ELP3: variants seen among roughly 807,000 people sequenced by gnomAD.
ELP3 encodes elongator complex protein 3.
Under a neutral mutation model 74.9 loss-of-function variants are expected in ELP3, and 56 were observed. That is an observed-to-expected ratio of 0.75 (90% CI 0.60 to 0.93). The LOEUF is 0.93. Ranked by LOEUF, ELP3 falls within the 40% of genes least tolerant of loss-of-function variation. ELP3 has a pLI of 0.00. For synonymous variants in ELP3, 222 were observed against 239.8 expected (o/e 0.93, Z 0.68); for missense variants, 573 against 686.5 (o/e 0.83, Z 1.85).
At chr8:28,179,212 G>A (rs371788491) in intron 14 of ELP3, among the ~76,000 whole-genome samples, 1 of 152,172 alleles carries the variant, frequency 6.6e-6, no homozygotes, top group Non-Finnish European at 1.5e-5. Context: ...ATATAACAAG[G>A]GCAACTGTAT....
In ELP3 at chr8:28,129,748, T is replaced by C. The variant is rs992544412; in HGVS notation, c.779+85T>C. On this transcript the variant is annotated intron_variant, in intron 8 of 14. Transcript: ENST00000256398. ...ATTCATACCCAGCCTTTCTTCCTTC[T>C]GACCACTCTTAGGGAAAGAAGTATG... The C allele has an allele frequency of 8.1e-5, 123 of 1,512,350 alleles. No individual in the cohort carries two copies. The African/African-American group carries it at 1.5e-3, about 18-fold the overall frequency. 93.7% of individuals were successfully genotyped at this position (1,512,350 alleles called of 1,614,324 possible).
At chr8:28,171,752 C>T (rs1343184384) in intron 14 of ELP3, among the ~76,000 whole-genome samples, 1 of 151,912 alleles carries the variant, frequency 6.6e-6, no homozygotes, top group African/African-American at 2.4e-5. Context: ...AAAGATTTTC[C>T]TCTCTGTTTT....
intron 6 of ELP3, among the ~76,000 whole-genome samples, chr8:28,111,500 A>G (rs1193669907): frequency 6.6e-6 from 1 of 152,104 alleles, no homozygotes; most frequent in Non-Finnish European, 1.5e-5. Context: ...GGGTTTGTTT[A>G]TTGGCTTATT....
intron 10 of ELP3, 143 bp downstream of exon 10, chr8:28,138,034 AG>A (rs1563267790): frequency 3.8e-6 from 3 of 783,714 alleles, no homozygotes; most frequent in Non-Finnish European, 5.8e-6. Flanking sequence ...GTAAATAGGG[AG>A]GGATGGAAAT....
At chr8:28,184,472 A>G (rs1815153939) in intron 14 of ELP3, among the ~76,000 whole-genome samples, 2 of 152,304 alleles carry the variant, frequency 1.3e-5, no homozygotes, top group East Asian at 1.9e-4. Context: ...TAGAAGGCCC[A>G]AGGAGCCTGT....
chr8:28,150,888 T>TA (rs1159436321), intron 10 of ELP3, among the ~76,000 whole-genome samples: 1 of 152,182 alleles, frequency 6.6e-6, no homozygotes, highest in Non-Finnish European at 1.5e-5. Flanking sequence ...GTCTCACTCT[T>TA]ACCCAAGCCA....
chr8:28,189,513 C>T (rs1229230766), intron 14 of ELP3, 136 bp from the exon 15 acceptor site: 2 of 712,774 alleles, frequency 2.8e-6, no homozygotes, highest in African/African-American at 1.8e-5. Flanking sequence ...ATGTTCCAAA[C>T]TTATTAAGCT....
chr8:28,123,628 G>A (rs1812457041), intron 7 of ELP3, among the ~76,000 whole-genome samples: 1 of 152,160 alleles, frequency 6.6e-6, no homozygotes, highest in South Asian at 2.1e-4. Context: ...GTATGATTGA[G>A]GAACTCTGTA....
At chr8:28,097,101 T>C in intron 1 of ELP3, 118 bp from the exon 2 acceptor site, 1 of 627,132 alleles carries the variant, frequency 1.6e-6, no homozygotes. Context: ...TCTTCTGAAC[T>C]TGAGCTATTC....
intron 9 of ELP3, among the ~76,000 whole-genome samples, chr8:28,132,825 C>A (rs58198013): frequency 0.043 from 6,590 of 152,088 alleles, 485 homozygotes; most frequent in African/African-American, 0.15. Flanking sequence ...TAAACCCTTG[C>A]AAGTTTTTCA....
At chr8:28,119,773 C>T (rs1812294142) in intron 7 of ELP3, among the ~76,000 whole-genome samples, 1 of 151,822 alleles carries the variant, frequency 6.6e-6, no homozygotes, top group Non-Finnish European at 1.5e-5. Context: ...CCCTGCGCCT[C>T]CCAGAGGCAG....
upstream of ELP3, among the ~76,000 whole-genome samples, chr8:28,092,324 G>C (rs1205933838): frequency 6.6e-6 from 1 of 152,144 alleles, no homozygotes; most frequent in Non-Finnish European, 1.5e-5. Flanking sequence ...CCACTTCCGG[G>C]TTCAAGAGAT....
chr8:28,152,335 A>T (rs979894051), intron 10 of ELP3, among the ~76,000 whole-genome samples: 11 of 152,140 alleles, frequency 7.2e-5, no homozygotes, highest in African/African-American at 2.7e-4. Flanking sequence ...GAGTTGTAAG[A>T]GTTCATTATA....
intron 14 of ELP3, among the ~76,000 whole-genome samples, chr8:28,180,161 A>G (rs1814945901): frequency 6.6e-6 from 1 of 152,094 alleles, no homozygotes; most frequent in Non-Finnish European, 1.5e-5. Flanking sequence ...TTAATCAGTG[A>G]ACTGGTTTTT....
intron 3 of ELP3, among the ~76,000 whole-genome samples, chr8:28,101,517 A>G (rs1027462340): frequency 6.6e-6 from 1 of 152,164 alleles, no homozygotes; most frequent in Non-Finnish European, 1.5e-5. Context: ...ACTCTTAGCC[A>G]ATTTCTTTAG....
At chr8:28,160,630 G>A (rs1215659688) in intron 13 of ELP3, among the ~76,000 whole-genome samples, 174 bp downstream of exon 13, 1 of 152,186 alleles carries the variant, frequency 6.6e-6, no homozygotes, top group Admixed American at 6.5e-5. Flanking sequence ...TCTCCAAATT[G>A]TATCCTTTTG....
At chr8:28,181,768 C>T (rs1815020258) in intron 14 of ELP3, among the ~76,000 whole-genome samples, 1 of 152,258 alleles carries the variant, frequency 6.6e-6, no homozygotes, top group East Asian at 1.9e-4. Context: ...GTCTCAGTTA[C>T]TGTTCTGCTT....
Position 28,147,567 on chromosome 8 carries a change from C to T in ELP3, c.1101-8375C>T, listed in dbSNP as rs1038323663. Reference sequence around the variant, plus strand: ...TATTGGAATTATCAGTATGAACTTACGGGTTTAAAAATTTATATATAGAAA... The same window carrying T: ...TATTGGAATTATCAGTATGAACTTATGGGTTTAAAAATTTATATATAGAAA... On this transcript the variant is annotated intron_variant, in intron 10 of 14. Coordinates refer to ENST00000256398, the MANE Select transcript of ELP3 (RefSeq NM_018091.6). The surrounding 1 kb of genome is among the most constrained non-coding windows in gnomAD (Gnocchi z 4.5). 8.5e-5 allele frequency among the ~76,000 whole-genome samples: 13 copies of T among 152,106 alleles called. No individual in the cohort carries two copies. The highest frequency in any genetic ancestry group is 2.2e-4 in the African/African-American group (9 of 41,464).
At chr8:28,098,481 C>CT (rs1355079959) in intron 2 of ELP3, among the ~76,000 whole-genome samples, 1 of 152,038 alleles carries the variant, frequency 6.6e-6, no homozygotes, top group Non-Finnish European at 1.5e-5. Context: ...GTTTTTCTTT[C>CT]TTTTTTTGTT....
Sources: gnomAD v4.1 joint callset for allele counts (sites outside exome capture counted in the v4.1 genomes callset) on GRCh38, gnomAD v4.1.1 for gene constraint, Gnocchi (gnomAD v3.1) non-coding constraint, MANE v1.5 for transcripts, NCBI Gene and HGNC (gene_info 2026-07-23, HGNC 2026-07-21) for gene names.